Variants in ZNF37A observed in about 807,000 individuals in gnomAD.
ZNF37A encodes the protein zinc finger protein 37a (KOX 21).
Under a neutral mutation model 12.3 loss-of-function variants are expected in ZNF37A, and 10 were observed. The ratio of observed to expected loss-of-function variants is 0.82; its 90% CI spans 0.50 to 1.38. The LOEUF is 1.38. Among genes scored for constraint, ZNF37A ranks in the 40% most tolerant of loss-of-function variants. The pLI, the probability that ZNF37A is intolerant of heterozygous loss-of-function variation, is 0.00. For missense variants in ZNF37A, 580 were observed against 651.2 expected (o/e 0.89, Z 1.19); for synonymous variants, 207 against 223.0 (o/e 0.93, Z 0.64).
rs367897618 is a variant in ZNF37A, at chr10:38,118,093, C to T, written c.942C>T (p.Leu314=). The change falls in exon 8 of 8, where the codon CTC becomes CTT. Residue 314 remains leucine, a synonymous_variant. Transcript: ENST00000685332. ...CGKTFYKNSD[L]IKHQRIHTGE... is the part of the protein sequence containing the mutation. Reference sequence around the variant, plus strand: ...AGACCTTCTATAAGAATTCAGACCTCATTAAACATCAAAGAATTCATACAG... The same window carrying T: ...AGACCTTCTATAAGAATTCAGACCTTATTAAACATCAAAGAATTCATACAG... The T allele has an allele frequency of 1.8e-5, 29 of 1,613,464 alleles. No individual in the cohort carries two copies. The highest frequency in any genetic ancestry group is 2.3e-5 in the Non-Finnish European group (27 of 1,179,786).
intron 5 of ZNF37A, among the ~76,000 whole-genome samples, chr10:38,112,797 T>TCTCGGTCTCG (rs1564932680): frequency 1.7e-5 from 1 of 57,540 alleles, no homozygotes; most frequent in Non-Finnish European, 4.0e-5. Flanking sequence ...TTTCTTTTCT[T>TCTCGGTCTCG]GTCTTGTCTT....
In ZNF37A at chr10:38,121,362, A is replaced by T. The variant is rs1388988670; in HGVS notation, c.*2525A>T. The stretch of plus-strand genomic sequence containing the variant: ...GGGCAATCAAAAGATTTATTATTTT[A>T]AAAAAATCAGTGTGGACTTCCATTC... On this transcript the variant is annotated 3_prime_UTR_variant, in exon 8 of 8. Coordinates refer to ENST00000685332, the MANE Select transcript of ZNF37A (RefSeq NM_001324250.3). The T allele has an allele frequency of 3.9e-5, 6 of 152,266 alleles. No homozygotes were observed. Among genetic ancestry groups the T allele is most frequent in the South Asian group, 2.1e-4 (1 of 4,816 alleles). 9.4% of individuals were successfully genotyped at this position (152,266 alleles called of 1,614,324 possible).
At chr10:38,111,634 C>A (rs962681230) in intron 5 of ZNF37A, among the ~76,000 whole-genome samples, 1 of 152,126 alleles carries the variant, frequency 6.6e-6, no homozygotes, top group Non-Finnish European at 1.5e-5. Context: ...ATCCTAATTT[C>A]TCTTTTAAGA....
At chr10:38,112,793 T>TTCTTTTCTTGTCTTGTCTTG (rs1554929952) in intron 5 of ZNF37A, among the ~76,000 whole-genome samples, 77 of 48,750 alleles carry the variant, frequency 1.6e-3, no homozygotes, top group Middle Eastern at 7.9e-3. Flanking sequence ...TTCTTTTCTT[T>TTCTTTTCTTGTCTTGTCTTG]TCTTGTCTTG....
chr10:38,111,436 C>T (rs2135969164), intron 5 of ZNF37A, among the ~76,000 whole-genome samples: 1 of 151,576 alleles, frequency 6.6e-6, no homozygotes, highest in South Asian at 2.1e-4. Context: ...ACCTATGTAA[C>T]AAACCTACAT....
At chr10:38,110,650 C>G (rs1346559044) in intron 5 of ZNF37A, among the ~76,000 whole-genome samples, 1 of 151,886 alleles carries the variant, frequency 6.6e-6, no homozygotes, top group African/African-American at 2.4e-5. Flanking sequence ...AAAAAAACAA[C>G]CCCATCAAAA....
At chr10:38,145,391 G>T (rs2070239680) in intron 7 of ZNF37A, among the ~76,000 whole-genome samples, 1 of 152,194 alleles carries the variant, frequency 6.6e-6, no homozygotes, top group South Asian at 2.1e-4. Flanking sequence ...GAGGCTGTGA[G>T]TGCTCCGAGA....
intron 7 of ZNF37A, chr10:38,143,465 GCATATCTGGTCCCCAGTCT>G (rs2070212560): frequency 6.6e-6 from 1 of 152,120 alleles, no homozygotes; most frequent in East Asian, 1.9e-4. Flanking sequence ...GAGTAAGGAG[GCATATCTGGTCCCCAGTCT>G]CATCTCTGGA....
intron 7 of ZNF37A, chr10:38,140,785 A>G (rs1448484550): frequency 6.6e-6 from 1 of 152,224 alleles, no homozygotes; most frequent in Non-Finnish European, 1.5e-5. Context: ...GGCAGTGAAA[A>G]CATAAGATGA....
rs1564383139 is a variant in ZNF37A at position 38,124,074 on chromosome 10, C to A, written c.*5237C>A. ...ACTCACAATAGCCAAGATTTGGAAGCAACCTAAGTGTCTAACAGCAGATGA... is the reference window on the plus strand; with the variant it reads ...ACTCACAATAGCCAAGATTTGGAAGAAACCTAAGTGTCTAACAGCAGATGA... On this transcript the variant is annotated 3_prime_UTR_variant, in exon 8 of 8. Transcript: ENST00000685332. 6.6e-6 allele frequency: 1 copy of A among 152,190 alleles called. No homozygotes were observed. The highest frequency in any genetic ancestry group is 1.5e-5 in the Non-Finnish European group (1 of 68,066). The allele number at this position is 152,190 out of a possible 1,614,324, so 9.4% of individuals were successfully genotyped here.
In ZNF37A at chr10:38,119,241, GA is replaced by G; in HGVS notation, c.*408del. The G allele has an allele frequency of 9.6e-7, 1 of 1,043,942 alleles. No homozygotes were observed. The highest frequency in any genetic ancestry group is 1.2e-6 in the Non-Finnish European group (1 of 854,692). 64.7% of individuals were successfully genotyped at this position (1,043,942 alleles called of 1,614,324 possible). A position where few individuals can be genotyped will look rare whatever the true frequency, so the allele number is the denominator to read the frequency against. On this transcript the variant is annotated 3_prime_UTR_variant, in exon 8 of 8. Coordinates refer to ENST00000685332, the MANE Select transcript of ZNF37A (RefSeq NM_001324250.3). ...AACCTTTTGGGTGTAATGAATGTGG[GA>G]AAACCTTTCATCAGAAGTCAGCTCT...
intron 7 of ZNF37A, among the ~76,000 whole-genome samples, chr10:38,116,198 C>T (rs1180837014): frequency 6.6e-6 from 1 of 152,074 alleles, no homozygotes; most frequent in Non-Finnish European, 1.5e-5. Context: ...TTGTTAAGTA[C>T]CATTGATTTA....
downstream of ZNF37A, among the ~76,000 whole-genome samples, chr10:38,129,626 T>TA (rs1227563765): frequency 6.6e-6 from 1 of 152,146 alleles, no homozygotes; most frequent in African/African-American, 2.4e-5. Flanking sequence ...TGCTTTCACT[T>TA]AAAAAAAGAA....
chr10:38,103,382 C>A (rs1019810372), intron 5 of ZNF37A, among the ~76,000 whole-genome samples: 1 of 152,150 alleles, frequency 6.6e-6, no homozygotes, highest in African/African-American at 2.4e-5. Flanking sequence ...GTCCTAATTA[C>A]ATTTTTATAA....
chr10:38,126,316 T>C (rs1329016966), downstream of ZNF37A, among the ~76,000 whole-genome samples: 8 of 152,260 alleles, frequency 5.3e-5, no homozygotes, highest in Non-Finnish European at 4.4e-5. Flanking sequence ...ATTCCTGTTT[T>C]CCCACAGGTG....
chr10:38,144,789 A>C (rs529541480), intron 7 of ZNF37A, among the ~76,000 whole-genome samples: 8 of 152,224 alleles, frequency 5.3e-5, no homozygotes, highest in African/African-American at 1.9e-4. Context: ...CAGTGAACCC[A>C]ATGCCATGGG....
In ZNF37A at chr10:38,135,821, AACAGCATG is replaced by A. The variant is rs1408122684; in HGVS notation, c.239-10910_239-10903del. Among the ~76,000 whole-genome samples the A allele has an allele frequency of 2.6e-5, 4 of 152,140 alleles. No individual in the cohort carries two copies. In the East Asian group the frequency reaches 7.7e-4, roughly 29 times the overall value. ...TCTTGTGAGAAATCACTCTCACAAG[AACAGCATG>A]GGGAAAACCACCCTCATGATTCAAT... On this transcript the variant is annotated intron_variant, in intron 7 of 7. Transcript: ENST00000638053.
chr10:38,133,983 T>C (rs2474590), intron 7 of ZNF37A, among the ~76,000 whole-genome samples: 62,488 of 152,012 alleles, frequency 0.41, 13,034 homozygotes, highest in East Asian at 0.5. Context: ...TTTGTTCATT[T>C]GTTTTTACTC....
rs2069596557 is a variant in ZNF37A at position 38,119,993 on chromosome 10, C to T, written c.*1156C>T. ...CTGGTGGTTTCTGCCCTGCAGATGTCTAACACATAAGCCAGGACATTCTGC... is the reference window on the plus strand; with the variant it reads ...CTGGTGGTTTCTGCCCTGCAGATGTTTAACACATAAGCCAGGACATTCTGC... On this transcript the variant is annotated 3_prime_UTR_variant, in exon 8 of 8. Coordinates refer to ENST00000685332, the MANE Select transcript of ZNF37A (RefSeq NM_001324250.3). 6.6e-6 allele frequency: 1 copy of T among 152,218 alleles called. No individual in the cohort carries two copies. The highest frequency in any genetic ancestry group is 2.4e-5 in the African/African-American group (1 of 41,452). The allele number at this position is 152,218 out of a possible 1,614,324, so 9.4% of individuals were successfully genotyped here.
Sources: allele counts gnomAD v4.1 joint callset (sites outside exome capture counted in the v4.1 genomes callset), GRCh38; gene constraint gnomAD v4.1.1; transcripts MANE v1.5; gene names NCBI Gene and HGNC (gene_info 2026-07-23, HGNC 2026-07-21).